The following SYTL2 variants were observed in gnomAD, a reference collection of about 807,000 sequenced individuals.
The protein encoded by SYTL2 is synaptotagmin like 2, also known as synaptotagmin-like protein 2.
In SYTL2, 165 loss-of-function variants were observed where a neutral mutation model predicts 198.7. The observed-to-expected ratio is 0.83, with a 90% CI of 0.73 to 0.94. The LOEUF (loss-of-function observed/expected upper bound fraction) is 0.94, where lower values mean the gene tolerates loss of function less well. Ranked by LOEUF, SYTL2 falls within the 40% of genes least tolerant of loss-of-function variation. SYTL2 has a pLI of 0.00. For synonymous variants in SYTL2, 966 were observed against 917.7 expected (o/e 1.05, Z -0.95); for missense variants, 2,835 against 2,582.8 (o/e 1.10, Z -2.12).
intron 4 of SYTL2, 62 bp downstream of exon 4, chr11:85,745,575 C>CA: frequency 6.4e-7 from 1 of 1,566,804 alleles, no homozygotes; most frequent in Non-Finnish European, 8.7e-7. Flanking sequence ...CCATTCTGCC[C>CA]ATGTGACACC....
Position 85,707,548 on chromosome 11 carries a change from AAC to A in SYTL2, c.5916-19_5916-18del. 1 of 1,482,870 alleles carries A rather than the reference AAC, an allele frequency of 6.7e-7. No individual in the cohort carries two copies. The highest frequency in any genetic ancestry group is 9.4e-7 in the Non-Finnish European group (1 of 1,066,066). The allele number at this position is 1,482,870 out of a possible 1,614,324, so 91.9% of individuals were successfully genotyped here. On this transcript the variant is annotated intron_variant, in intron 14 of 19. Transcript: ENST00000359152. ...TTTACATATCTGAAAAGGAGAATTGAACAGACAAAGTCAAAGAAAATAAAAGT... is the reference window on the plus strand; with the variant it reads ...TTTACATATCTGAAAAGGAGAATTGAAGACAAAGTCAAAGAAAATAAAAGT...
the SYTL2 span, among the ~76,000 whole-genome samples, chr11:85,833,149 AGG>A: frequency 6.9e-5 from 8 of 116,734 alleles, 2 homozygotes; most frequent in South Asian, 2.4e-4. Context: ...GAAGGAAGGA[AGG>A]AAGGAAAGAA....
chr11:85,726,348 T>A lies in SYTL2; in HGVS notation c.3010A>T (p.Ile1004Phe). ...NSNSKDNDKNITTTSQKNSAP... is the reference protein window; with the variant it reads ...NSNSKDNDKNFTTTSQKNSAP... ...GAATTTTTTTGGCTTGTGGTGGTAATATTCTTGTCATTATCCTTACTGTTT... is the reference window on the plus strand; with the variant it reads ...GAATTTTTTTGGCTTGTGGTGGTAAAATTCTTGTCATTATCCTTACTGTTT... Residue 1004 changes from isoleucine to phenylalanine, a missense_variant, in exon 8 of 20, where the codon ATT (isoleucine) becomes TTT (phenylalanine). Coordinates refer to ENST00000359152, the MANE Select transcript of SYTL2 (RefSeq NM_206927.4). 6 of 1,614,112 alleles carry A rather than the reference T, an allele frequency of 3.7e-6. No individual in the cohort carries two copies. Among genetic ancestry groups the A allele is most frequent in the Non-Finnish European group, 5.1e-6 (6 of 1,179,998 alleles).
At chr11:85,730,664 T>C (rs2089715422) in intron 7 of SYTL2, among the ~76,000 whole-genome samples, 1 of 152,180 alleles carries the variant, frequency 6.6e-6, no homozygotes, top group Non-Finnish European at 1.5e-5. Context: ...GCTGGAAGCA[T>C]TCTCTTTGAA....
chr11:85,704,775 A>G (rs1458253227), intron 16 of SYTL2, 83 bp downstream of exon 16: 1 of 1,120,608 alleles, frequency 8.9e-7, no homozygotes, highest in Non-Finnish European at 1.3e-6. Flanking sequence ...CTGTACTCTG[A>G]ATTAAATGCA....
intron 1 of SYTL2, among the ~76,000 whole-genome samples, chr11:85,763,680 T>C (rs1443996019): frequency 6.7e-6 from 1 of 149,448 alleles, no homozygotes; most frequent in Non-Finnish European, 1.5e-5. Context: ...GACAGTCCCA[T>C]GACATCAAGA....
intron 5 of SYTL2, 137 bp from the exon 6 acceptor site, chr11:85,736,752 TC>T: frequency 1.6e-6 from 1 of 621,626 alleles, no homozygotes; most frequent in Non-Finnish European, 2.8e-6. Flanking sequence ...AAAACAGTTG[TC>T]CTGATTAATC....
chr11:85,755,965 C>G (rs926718775), intron 2 of SYTL2, among the ~76,000 whole-genome samples: 6 of 152,084 alleles, frequency 3.9e-5, no homozygotes, highest in Admixed American at 1.3e-4. Flanking sequence ...CTTTCTAAGT[C>G]CTTCCCCCAA....
rs2093026923 is a variant in SYTL2, at chr11:85,811,139, A to T, written c.-575T>A. On this transcript the variant is annotated 5_prime_UTR_variant, in exon 1 of 20. Transcript: ENST00000359152. ...CGGCACGGCCCGGGTGTCGCCCGGCACTGTCAACGCAGAGCGGCGTGCGCG... is the reference window on the plus strand; with the variant it reads ...CGGCACGGCCCGGGTGTCGCCCGGCTCTGTCAACGCAGAGCGGCGTGCGCG... The T allele has an allele frequency of 6.6e-6, 1 of 151,882 alleles. No individual in the cohort carries two copies. The highest frequency in any genetic ancestry group is 2.4e-5 in the African/African-American group (1 of 41,336). 9.4% of individuals were successfully genotyped at this position (151,882 alleles called of 1,614,324 possible).
intron 9 of SYTL2, chr11:85,719,315 T>A (rs2087889645): frequency 8.7e-7 from 1 of 1,155,130 alleles, no homozygotes; most frequent in African/African-American, 1.6e-5. Flanking sequence ...GACCAGCTGC[T>A]AAGTGGAATC....
Position 85,726,477 on chromosome 11 carries a change from C to G in SYTL2, c.2881G>C (p.Val961Leu), listed in dbSNP as rs762942356. The stretch of plus-strand genomic sequence containing the variant: ...TCCATTCTTTCTTTTAGGGACATAA[C>G]TTTAAAGTTGGCATTTGATTCACGA... ...LVRESNANFK[V>L]MSLKERMDEP... is the part of the protein sequence containing the mutation. Residue 961 changes from valine (V) to leucine (L), a missense_variant, in exon 8 of 20, where the codon GTT becomes CTT. This residue lies in a region of SYTL2 where 2,645 missense variants were observed against 2,381.7 expected (regional missense o/e 1.11). Transcript: ENST00000359152. 1 of 1,611,342 alleles carries G rather than the reference C, an allele frequency of 6.2e-7. No homozygotes were observed. The highest frequency in any genetic ancestry group is 1.1e-5 in the South Asian group (1 of 91,068).
the SYTL2 span, among the ~76,000 whole-genome samples, chr11:85,833,004 AAGAAAG>A: frequency 4.5e-5 from 4 of 89,500 alleles, no homozygotes; most frequent in East Asian, 2.4e-4. Context: ...TCAAAAAAAA[AAGAAAG>A]AAAAGAAAGA....
At chr11:85,778,943 A>G (rs1430841269) in intron 1 of SYTL2, among the ~76,000 whole-genome samples, 1 of 152,194 alleles carries the variant, frequency 6.6e-6, no homozygotes, top group African/African-American at 2.4e-5. Context: ...GCCCCACTGC[A>G]CTCAAGCCTG....
intron 8 of SYTL2, among the ~76,000 whole-genome samples, chr11:85,722,318 C>T (rs946019725): frequency 4.0e-5 from 6 of 151,758 alleles, no homozygotes; most frequent in African/African-American, 1.5e-4. Flanking sequence ...GCTGGGACTA[C>T]AGCCACCACC....
At chr11:85,762,242 T>A (rs2092115290) in intron 1 of SYTL2, among the ~76,000 whole-genome samples, 1 of 152,180 alleles carries the variant, frequency 6.6e-6, no homozygotes, top group Non-Finnish European at 1.5e-5. Flanking sequence ...TGCTAAACTG[T>A]GAGGGAAGAA....
intron 4 of SYTL2, among the ~76,000 whole-genome samples, chr11:85,740,970 T>A (rs1198779199): frequency 6.6e-6 from 1 of 152,194 alleles, no homozygotes; most frequent in Non-Finnish European, 1.5e-5. Context: ...AGCCACAAGG[T>A]GCTTCTATGC....
the SYTL2 span, among the ~76,000 whole-genome samples, chr11:85,852,379 C>G: frequency 6.6e-6 from 1 of 151,906 alleles, no homozygotes; most frequent in Non-Finnish European, 1.5e-5. Flanking sequence ...CCTCTCCCCA[C>G]GGTCTCCCTC....
intron 15 of SYTL2, 88 bp from the exon 16 acceptor site, chr11:85,705,116 T>C (rs2084925736): frequency 4.0e-6 from 4 of 990,272 alleles, no homozygotes; most frequent in South Asian, 2.0e-5. Context: ...TTCATCTGTA[T>C]ATAGCAAATT....
intron 1 of SYTL2, among the ~76,000 whole-genome samples, chr11:85,772,168 G>A (rs2092368479): frequency 6.6e-6 from 1 of 152,096 alleles, no homozygotes; most frequent in Admixed American, 6.6e-5. Context: ...CCAAAGTGCT[G>A]GGATTACAGG....
Sources: allele counts gnomAD v4.1 joint callset (sites outside exome capture counted in the v4.1 genomes callset), GRCh38; gene constraint gnomAD v4.1.1; regional missense constraint gnomAD v4.1.1; transcripts MANE v1.5; gene names NCBI Gene and HGNC (gene_info 2026-07-23, HGNC 2026-07-21).